KCNK17: variants seen among roughly 807,000 people sequenced by gnomAD.
KCNK17 encodes the protein potassium channel subfamily K member 17.
KCNK17 carries 27 observed loss-of-function variants against 24.6 expected under a neutral mutation model. The ratio of observed to expected loss-of-function variants is 1.10; its 90% CI spans 0.81 to 1.51. KCNK17 has a LOEUF of 1.51. Among genes scored for constraint, KCNK17 ranks in the 40% most tolerant of loss-of-function variants. The probability of loss-of-function intolerance (pLI) is 0.00; values close to 1 mark genes in which losing one functional copy is unlikely to be tolerated. For synonymous variants in KCNK17, 181 were observed against 189.8 expected, an observed-to-expected ratio of 0.95 and a Z score of 0.38; for missense variants, 450 against 436.6, an observed-to-expected ratio of 1.03 and a Z score of -0.27.
intron 4 of KCNK17, among the ~76,000 whole-genome samples, chr6:39,301,513 G>A (rs1761950494): frequency 1.3e-5 from 2 of 152,260 alleles, no homozygotes; most frequent in South Asian, 2.1e-4. Flanking sequence ...CTATGATTCC[G>A]CTGATGGTCC....
chr6:39,305,481 G>T (rs1458294846), intron 2 of KCNK17, among the ~76,000 whole-genome samples: 1 of 149,226 alleles, frequency 6.7e-6, no homozygotes, highest in African/African-American at 2.4e-5. Flanking sequence ...CTGCCTAGGG[G>T]AGGAGGTAGA....
intron 4 of KCNK17, among the ~76,000 whole-genome samples, chr6:39,300,033 G>A (rs959801902): frequency 4.6e-5 from 7 of 152,226 alleles, no homozygotes; most frequent in Non-Finnish European, 7.3e-5. Context: ...CAGCATCCCT[G>A]AGAGCTTGTT....
In KCNK17 at chr6:39,299,156, T is replaced by C; in HGVS notation, c.*271A>G. 1 of 473,112 alleles carries C rather than the reference T, an allele frequency of 2.1e-6. No homozygotes were observed. Among genetic ancestry groups the C allele is most frequent in the Non-Finnish European group, 3.8e-6 (1 of 264,606 alleles). The allele number at this position is 473,112 out of a possible 1,614,324, so 29.3% of individuals were successfully genotyped here. On this transcript the variant is annotated 3_prime_UTR_variant, in exon 5 of 5. Coordinates refer to ENST00000373231, the MANE Select transcript of KCNK17 (RefSeq NM_031460.4). ...CCGCTACTTCATGGTGCCGTATGGC[T>C]GCCAGAGCTCCCAGCCATCATATCG...
At chr6:39,304,409 C>T (rs1042570522) in intron 3 of KCNK17, 86 bp downstream of exon 3, 11 of 1,244,560 alleles carry the variant, frequency 8.8e-6, no homozygotes, top group African/African-American at 5.9e-5. Flanking sequence ...CTTGCTCCCA[C>T]CTCTTGTCAT....
rs1357641900 is a variant in KCNK17, at chr6:39,299,098, C to T, written c.*329G>A. ...GCTCTGTGATCATCAGAGATCCAGA[C>T]TCTTCCTATCTTATTGTGCCGCTCA... On this transcript the variant is annotated 3_prime_UTR_variant, in exon 5 of 5. Coordinates refer to ENST00000373231, the MANE Select transcript of KCNK17 (RefSeq NM_031460.4). 6.4e-6 allele frequency: 2 copies of T among 312,956 alleles called. No individual in the cohort carries two copies. Among genetic ancestry groups the T allele is most frequent in the Non-Finnish European group, 1.2e-5 (2 of 169,272 alleles). The allele number at this position is 312,956 out of a possible 1,614,324, so 19.4% of individuals were successfully genotyped here.
chr6:39,314,286 C>G lies in KCNK17; in HGVS notation c.35G>C (p.Gly12Ala). The G allele has an allele frequency of 6.8e-7, 1 of 1,473,310 alleles. No homozygotes were observed. The highest frequency in any genetic ancestry group is 9.0e-7 in the Non-Finnish European group (1 of 1,115,936). The allele number at this position is 1,473,310 out of a possible 1,614,324, so 91.3% of individuals were successfully genotyped here. A position where few individuals can be genotyped will look rare whatever the true frequency, so the allele number is the denominator to read the frequency against. The stretch of plus-strand genomic sequence containing the variant: ...GGGCACCGCGCAGCCCCGGACCCTG[C>G]CCTCGGGAGCCGCCCGGGCTCGCGG... ...YRPRARAAPEGRVRGCAVPST... is the reference protein window; with the variant it reads ...YRPRARAAPEARVRGCAVPST... Residue 12 changes from glycine (G) to alanine (A), a missense_variant, in exon 1 of 5, where the codon GGC becomes GCC. Coordinates refer to ENST00000373231, the MANE Select transcript of KCNK17 (RefSeq NM_031460.4).
intron 2 of KCNK17, among the ~76,000 whole-genome samples, chr6:39,306,013 T>C (rs1389844386): frequency 6.6e-6 from 1 of 151,840 alleles, no homozygotes; most frequent in South Asian, 2.1e-4. Context: ...ATCAAGTATA[T>C]GCTCTGAGCC....
chr6:39,306,716 T>C (rs1314101649), intron 2 of KCNK17, among the ~76,000 whole-genome samples: 2 of 148,584 alleles, frequency 1.3e-5, no homozygotes, highest in Admixed American at 6.6e-5. Flanking sequence ...CCAGCTCAGC[T>C]CCTTGCAGGC....
chr6:39,310,858 C>A, intron 2 of KCNK17, 35 bp downstream of exon 2: 2 of 1,163,672 alleles, frequency 1.7e-6, no homozygotes, highest in East Asian at 2.4e-5. Context: ...CCTCCTTCCC[C>A]CACCCCCATC....
Position 39,314,389 on chromosome 6 carries a change from G to A in KCNK17, c.-69C>T, listed in dbSNP as rs185410067. ...ACCCGGTGGGAGGGAAGGGCCAGGC[G>A]TCCAGCTCGTATCTCCTCTCGCAAA... On this transcript the variant is annotated 5_prime_UTR_variant, in exon 1 of 5. In the 5' UTR this introduces an upstream ATG that the reference lacks. Coordinates refer to ENST00000373231, the MANE Select transcript of KCNK17 (RefSeq NM_031460.4). The A allele has an allele frequency of 5.4e-3, 6,147 of 1,144,526 alleles. 23 individuals carry two copies. The highest frequency in any genetic ancestry group is 7.2e-3 in the Admixed American group (225 of 31,068). 70.9% of individuals were successfully genotyped at this position (1,144,526 alleles called of 1,614,324 possible). A position where few individuals can be genotyped will look rare whatever the true frequency, so the allele number is the denominator to read the frequency against.
At chr6:39,302,027 T>C (rs1013849090) in intron 4 of KCNK17, among the ~76,000 whole-genome samples, 1 of 152,246 alleles carries the variant, frequency 6.6e-6, no homozygotes, top group African/African-American at 2.4e-5. Context: ...TATGACCTTA[T>C]GCAACTCCCT....
At chr6:39,301,802 A>G (rs957320429) in intron 4 of KCNK17, among the ~76,000 whole-genome samples, 2 of 152,196 alleles carry the variant, frequency 1.3e-5, no homozygotes, top group African/African-American at 2.4e-5. Flanking sequence ...CTGTGAAGAC[A>G]GCGCCTCTTG....
At chr6:39,304,218 C>A (rs573169423) in intron 3 of KCNK17, 87 bp from the exon 4 acceptor site, 576 of 1,309,708 alleles carry the variant, frequency 4.4e-4, no homozygotes, top group Non-Finnish European at 5.8e-4. Flanking sequence ...CCAGAGCTGT[C>A]CCCAGTAAGA....
chr6:39,306,102 G>T (rs1414922299), intron 2 of KCNK17, among the ~76,000 whole-genome samples: 1 of 149,168 alleles, frequency 6.7e-6, no homozygotes, highest in Non-Finnish European at 1.5e-5. Flanking sequence ...GGAGTGCACT[G>T]GCACAATCTT....
In KCNK17 at chr6:39,314,389, G is replaced by C; in HGVS notation, c.-69C>G. ...ACCCGGTGGGAGGGAAGGGCCAGGCGTCCAGCTCGTATCTCCTCTCGCAAA... is the reference window on the plus strand; with the variant it reads ...ACCCGGTGGGAGGGAAGGGCCAGGCCTCCAGCTCGTATCTCCTCTCGCAAA... On this transcript the variant is annotated 5_prime_UTR_variant, in exon 1 of 5. Coordinates refer to ENST00000373231, the MANE Select transcript of KCNK17 (RefSeq NM_031460.4). The C allele has an allele frequency of 8.7e-7, 1 of 1,144,614 alleles. No homozygotes were observed. The highest frequency in any genetic ancestry group is 1.2e-6 in the Non-Finnish European group (1 of 854,408). 70.9% of individuals were successfully genotyped at this position (1,144,614 alleles called of 1,614,324 possible).
intron 4 of KCNK17, among the ~76,000 whole-genome samples, chr6:39,300,800 C>A (rs1562080048): frequency 6.6e-6 from 1 of 152,184 alleles, no homozygotes; most frequent in Non-Finnish European, 1.5e-5. Context: ...CCTCTCGGCT[C>A]CAAATGCTCT....
chr6:39,305,182 C>T (rs1264424331), intron 2 of KCNK17, among the ~76,000 whole-genome samples: 1 of 152,202 alleles, frequency 6.6e-6, no homozygotes, highest in African/African-American at 2.4e-5. Context: ...CTCTGGGATC[C>T]CCATGGCCTG....
rs540195704 is a variant in KCNK17, at chr6:39,309,506, A to T, written c.352+1387T>A. On this transcript the variant is annotated intron_variant, in intron 2 of 4. Coordinates refer to ENST00000373231, the MANE Select transcript of KCNK17 (RefSeq NM_031460.4). ...TCCTCTCTTTGCCCTCCTCACCCTC[A>T]AGCTGGTTGAAACTGAGTGGAGAGG... 2.6e-5 allele frequency among the ~76,000 whole-genome samples: 4 copies of T among 152,262 alleles called. No individual in the cohort carries two copies. The East Asian group carries it at 7.7e-4, about 29-fold the overall frequency.
intron 3 of KCNK17, 103 bp from the exon 4 acceptor site, chr6:39,304,234 G>T (rs1214137850): frequency 8.9e-7 from 1 of 1,125,406 alleles, no homozygotes; most frequent in Non-Finnish European, 1.3e-6. Flanking sequence ...TAAGAAGGGG[G>T]CTCTTCACCT....
Sources: allele counts gnomAD v4.1 joint callset (sites outside exome capture counted in the v4.1 genomes callset), GRCh38; gene constraint gnomAD v4.1.1; transcripts MANE v1.5; gene names NCBI Gene and HGNC (gene_info 2026-07-23, HGNC 2026-07-21).